Variants in PRKRA observed in about 807,000 individuals in gnomAD.
PRKRA encodes interferon-inducible double-stranded RNA-dependent protein kinase activator A.
Under a neutral mutation model 32.4 loss-of-function variants are expected in PRKRA, and 22 were observed. The ratio of observed to expected loss-of-function variants is 0.68; its 90% CI spans 0.49 to 0.97. The LOEUF (loss-of-function observed/expected upper bound fraction) is 0.97, where lower values mean the gene tolerates loss of function less well. Among genes scored for constraint, PRKRA ranks in the 50% least tolerant of loss-of-function variants. The probability of loss-of-function intolerance (pLI) is 0.00; values close to 1 mark genes in which losing one functional copy is unlikely to be tolerated. For synonymous variants in PRKRA, 139 were observed against 129.8 expected (o/e 1.07, Z -0.48); for missense variants, 319 against 375.6 (o/e 0.85, Z 1.25).
chr2:178,440,182 C>CA (rs1350333976), intron 6 of PRKRA: 1 of 152,054 alleles, frequency 6.6e-6, no homozygotes, highest in African/African-American at 2.4e-5. Context: ...ACTCAAATTC[C>CA]AAAAGCAGTA....
chr2:178,443,641 G>A (rs948992415), intron 4 of PRKRA: 2 of 382,104 alleles, frequency 5.2e-6, no homozygotes, highest in Non-Finnish European at 9.9e-6. Flanking sequence ...GCTGGTATCA[G>A]ACATCAACTA....
chr2:178,451,090 C>CGCA lies in PRKRA; in HGVS notation c.-61_-60insTGC. 1 of 1,517,652 alleles carries CGCA rather than the reference C, an allele frequency of 6.6e-7. No individual in the cohort carries two copies. Among genetic ancestry groups the CGCA allele is most frequent in the Non-Finnish European group, 8.8e-7 (1 of 1,134,398 alleles). 94.0% of individuals were successfully genotyped at this position (1,517,652 alleles called of 1,614,324 possible). A position where few individuals can be genotyped will look rare whatever the true frequency, so the allele number is the denominator to read the frequency against. The stretch of plus-strand genomic sequence containing the variant: ...GCGGTGCGGAGCGACGTGCTCGCTC[C>CGCA]CCGGGTCGCTGGTCCCCGGGAGGAG... On this transcript the variant is annotated 5_prime_UTR_variant, in exon 1 of 8. Transcript: ENST00000325748.
chr2:178,445,238 A>G (rs923262996), intron 3 of PRKRA, among the ~76,000 whole-genome samples: 1 of 152,208 alleles, frequency 6.6e-6, no homozygotes, highest in African/African-American at 2.4e-5. Flanking sequence ...TGGAATTACT[A>G]GTTACTTAGC....
chr2:178,444,534 TAATTTCCCCCGAATTATGAAATA>T, intron 3 of PRKRA, 34 bp from the exon 4 acceptor site: 1 of 719,602 alleles, frequency 1.4e-6, no homozygotes. Context: ...TAAAACAAAA[TAATTTCCCCCGAATTATGAAATA>T]AATGACAAGC....
intron 6 of PRKRA, among the ~76,000 whole-genome samples, chr2:178,436,783 C>T (rs1048245507): frequency 2.0e-5 from 3 of 151,388 alleles, no homozygotes; most frequent in African/African-American, 7.3e-5. Flanking sequence ...GAAAAAAAAA[C>T]TAAAAAAAAC....
In PRKRA at chr2:178,434,978, G is replaced by A. The variant is rs189613061; in HGVS notation, c.784+1167C>T. ...CTCTACTAAAAAAAAAAAAACTTTGGGAGGCCGAGGTGGGTGGATCATGAG... is the reference window on the plus strand; with the variant it reads ...CTCTACTAAAAAAAAAAAAACTTTGAGAGGCCGAGGTGGGTGGATCATGAG... On this transcript the variant is annotated intron_variant, in intron 7 of 7. Coordinates refer to ENST00000325748, the MANE Select transcript of PRKRA (RefSeq NM_003690.5). 9.9e-5 allele frequency among the ~76,000 whole-genome samples: 15 copies of A among 151,894 alleles called. No homozygotes were observed. In the East Asian group the frequency reaches 2.7e-3, roughly 27 times the overall value.
At chr2:178,440,382 C>A (rs1042548300) in intron 6 of PRKRA, 3 of 152,152 alleles carry the variant, frequency 2.0e-5, no homozygotes, top group Non-Finnish European at 2.9e-5. Flanking sequence ...CCACATGACA[C>A]ACCTATCTGT....
intron 3 of PRKRA, among the ~76,000 whole-genome samples, chr2:178,444,873 G>A (rs1201515665): frequency 1.3e-5 from 2 of 152,136 alleles, no homozygotes; most frequent in Non-Finnish European, 2.9e-5. Context: ...GCTCCTTGAG[G>A]TAGGGCCTAT....
chr2:178,435,614 T>C (rs1449438599), intron 7 of PRKRA, among the ~76,000 whole-genome samples: 2 of 152,070 alleles, frequency 1.3e-5, no homozygotes, highest in African/African-American at 4.8e-5. Context: ...AGTGACAAAG[T>C]AGAGAGAAAA....
At position 178,432,179 on chromosome 2, in the gene PRKRA, G is replaced by GA. The variant is rs1559349945; in HGVS notation, c.859dup (p.Ser287PhefsTer11). ...TTGTGCATTGCCACAGGAGATACCG[G>GA]AGCCATGACAGACTGTGATGGGGCT... On this transcript the variant is annotated frameshift_variant, in exon 8 of 8. Coordinates refer to ENST00000325748, the MANE Select transcript of PRKRA (RefSeq NM_003690.5). LOFTEE classifies it high-confidence loss of function. 2 of 1,614,198 alleles carry GA rather than the reference G, an allele frequency of 1.2e-6. No individual in the cohort carries two copies. The highest frequency in any genetic ancestry group is 1.7e-6 in the Non-Finnish European group (2 of 1,180,038).
intron 5 of PRKRA, 111 bp from the exon 6 acceptor site, chr2:178,441,815 T>C (rs748262358): frequency 1.0e-5 from 7 of 677,748 alleles, no homozygotes; most frequent in Non-Finnish European, 1.8e-5. Context: ...GTTTTTATTA[T>C]ATACTAGACT....
chr2:178,450,195 T>C (rs765067804), intron 2 of PRKRA, 47 bp downstream of exon 2: 3 of 1,280,992 alleles, frequency 2.3e-6, no homozygotes, highest in Non-Finnish European at 3.1e-6. Flanking sequence ...ACACCAAGTA[T>C]TGACTGCCAA....
At chr2:178,442,100 G>A (rs1697140217) in intron 5 of PRKRA, among the ~76,000 whole-genome samples, 1 of 151,940 alleles carries the variant, frequency 6.6e-6, no homozygotes, top group Non-Finnish European at 1.5e-5. Context: ...GGCCAGGCTG[G>A]TCTCAAACTC....
intron 6 of PRKRA, among the ~76,000 whole-genome samples, chr2:178,438,141 G>A (rs542069676): frequency 6.6e-6 from 1 of 152,170 alleles, no homozygotes; most frequent in African/African-American, 2.4e-5. Flanking sequence ...GTTGTCAAAT[G>A]TATTAATCTT....
At chr2:178,441,001 T>A (rs1034150847) in intron 6 of PRKRA, among the ~76,000 whole-genome samples, 4 of 152,208 alleles carry the variant, frequency 2.6e-5, no homozygotes, top group African/African-American at 9.6e-5. Flanking sequence ...CTGCATACGA[T>A]GTTTCACTCC....
chr2:178,433,503 A>C (rs1696754536), intron 7 of PRKRA: 1 of 152,190 alleles, frequency 6.6e-6, no homozygotes, highest in East Asian at 1.9e-4. Context: ...CTACATCATC[A>C]CCAACACTTG....
intron 4 of PRKRA, 110 bp downstream of exon 4, chr2:178,444,312 C>A: frequency 1.1e-6 from 1 of 915,816 alleles, no homozygotes. Flanking sequence ...AGTTGGAAAA[C>A]AAAATATATC....
intron 7 of PRKRA, 110 bp from the exon 8 acceptor site, chr2:178,432,364 G>GTA: frequency 8.1e-7 from 1 of 1,232,028 alleles, no homozygotes; most frequent in Admixed American, 2.2e-5. Flanking sequence ...AGCCTCCATG[G>GTA]TATACTACAC....
At chr2:178,439,656 G>A (rs1351060247) in intron 6 of PRKRA, 1 of 152,116 alleles carries the variant, frequency 6.6e-6, no homozygotes, top group African/African-American at 2.4e-5. Context: ...TAAAAGTGGT[G>A]TTGGTGGGCG....
Sources: gnomAD v4.1 joint callset for allele counts (sites outside exome capture counted in the v4.1 genomes callset) on GRCh38, gnomAD v4.1.1 for gene constraint, MANE v1.5 for transcripts, NCBI Gene and HGNC (gene_info 2026-07-23, HGNC 2026-07-21) for gene names.